The following FYN variants were observed in gnomAD, a reference collection of about 807,000 sequenced individuals.
FYN encodes FYN proto-oncogene, Src family tyrosine kinase.
FYN carries 10 observed loss-of-function variants against 70.2 expected under a neutral mutation model. The observed-to-expected ratio is 0.14, with a 90% CI of 0.09 to 0.24. The LOEUF (loss-of-function observed/expected upper bound fraction) is 0.24, where lower values mean the gene tolerates loss of function less well. Among genes scored for constraint, FYN ranks in the 10% least tolerant of loss-of-function variants. The probability of loss-of-function intolerance (pLI) is 1.00; values close to 1 mark genes in which losing one functional copy is unlikely to be tolerated. For synonymous variants in FYN, 236 were observed against 248.6 expected, an observed-to-expected ratio of 0.95 and a Z score of 0.48; for missense variants, 319 against 673.1, an observed-to-expected ratio of 0.47 and a Z score of 5.82.
At chr6:111,674,712 A>AGT in intron 12 of FYN, 82 bp from the exon 13 acceptor site, 1 of 1,484,230 alleles carries the variant, frequency 6.7e-7, no homozygotes, top group Non-Finnish European at 9.2e-7. Flanking sequence ...GCACTTGGCA[A>AGT]GCTACTTTCC....
chr6:111,736,259 G>C (rs573423181), intron 3 of FYN, among the ~76,000 whole-genome samples: 13 of 152,322 alleles, frequency 8.5e-5, no homozygotes, highest in African/African-American at 2.9e-4. Flanking sequence ...TCTTTATCAT[G>C]ATGCAGAAGT....
At chr6:111,864,685 A>G (rs1192249847) in intron 1 of FYN, among the ~76,000 whole-genome samples, 4 of 152,180 alleles carry the variant, frequency 2.6e-5, no homozygotes, top group Non-Finnish European at 5.9e-5. Flanking sequence ...CACGGTGGGT[A>G]AAGGTGCCTC....
intron 12 of FYN, among the ~76,000 whole-genome samples, chr6:111,675,814 AAAAT>A (rs571127025): frequency 7.1e-4 from 107 of 151,220 alleles, no homozygotes; most frequent in African/African-American, 2.1e-3. Flanking sequence ...AAATAAAATA[AAAAT>A]AAATAAATAA....
intron 13 of FYN, among the ~76,000 whole-genome samples, chr6:111,671,155 G>A (rs142352122): frequency 9.9e-5 from 15 of 152,236 alleles, no homozygotes; most frequent in African/African-American, 3.6e-4. Flanking sequence ...TACCACCCCC[G>A]TTAATCTCAG....
intron 4 of FYN, 99 bp downstream of exon 4, chr6:111,719,706 C>A: frequency 7.4e-7 from 1 of 1,355,664 alleles, no homozygotes. Flanking sequence ...CATGTGAAAC[C>A]CCTAGTCAAA....
rs190275669 is a variant in FYN, at chr6:111,665,211, G to A, written c.1406-3264C>T. Among the ~76,000 whole-genome samples the A allele has an allele frequency of 4.6e-5, 7 of 152,238 alleles. No individual in the cohort carries two copies. The East Asian group carries it at 7.7e-4, about 17-fold the overall frequency. On this transcript the variant is annotated intron_variant, in intron 13 of 13. Coordinates refer to ENST00000354650, the MANE Select transcript of FYN (RefSeq NM_002037.5). ...CCAGTAAGTTGAGCATTCCCTTTGCGTGTTATGTCAGTGCTCAAGAAGCTC... is the reference window on the plus strand; with the variant it reads ...CCAGTAAGTTGAGCATTCCCTTTGCATGTTATGTCAGTGCTCAAGAAGCTC...
intron 2 of FYN, among the ~76,000 whole-genome samples, chr6:111,823,573 A>C (rs1247668712): frequency 6.6e-6 from 1 of 152,218 alleles, no homozygotes; most frequent in African/African-American, 2.4e-5. Flanking sequence ...CCAAGATCTA[A>C]GGGATAAAAA....
chr6:111,797,371 T>A (rs1328408618), intron 2 of FYN, among the ~76,000 whole-genome samples: 1 of 152,052 alleles, frequency 6.6e-6, no homozygotes, highest in Non-Finnish European at 1.5e-5. Flanking sequence ...TTTTTTTGCT[T>A]TTAATTTAGA....
chr6:111,843,783 AC>A (rs753002613), intron 2 of FYN, among the ~76,000 whole-genome samples: 30 of 152,310 alleles, frequency 2.0e-4, no homozygotes, highest in Non-Finnish European at 3.2e-4. Flanking sequence ...CTGCAGTTCC[AC>A]AGTGAACACT....
chr6:111,855,043 T>C (rs974088609), intron 1 of FYN, among the ~76,000 whole-genome samples: 6 of 152,198 alleles, frequency 3.9e-5, no homozygotes, highest in Admixed American at 6.5e-5. Flanking sequence ...TGAACTCAGG[T>C]TTTTTTGTGC....
chr6:111,663,794 A>G (rs939868853), intron 13 of FYN, among the ~76,000 whole-genome samples: 7 of 151,982 alleles, frequency 4.6e-5, no homozygotes, highest in Non-Finnish European at 8.8e-5. Flanking sequence ...CGCTGTGGCT[A>G]ATTAGCCTAC....
intron 3 of FYN, among the ~76,000 whole-genome samples, chr6:111,727,235 T>C (rs754571668): frequency 1.3e-5 from 2 of 152,182 alleles, no homozygotes; most frequent in African/African-American, 2.4e-5. Flanking sequence ...CGGTTTGGCA[T>C]ATTAATGACT....
At position 111,751,739 on chromosome 6, in the gene FYN, C is replaced by T. The variant is rs576208466; in HGVS notation, c.-12+28827G>A. Among the ~76,000 whole-genome samples, 686 of 152,172 alleles carry T rather than the reference C, an allele frequency of 4.5e-3. 3 individuals carry two copies. The highest frequency in any genetic ancestry group is 0.016 in the African/African-American group (648 of 41,508). On this transcript the variant is annotated intron_variant, in intron 3 of 13. Coordinates refer to ENST00000354650, the MANE Select transcript of FYN (RefSeq NM_002037.5). Reference sequence around the variant, plus strand: ...TGGGCTCAAGCTATCCTTCTACCTACGCCTCCCAGTACCTGGGACTACAGT... The same window carrying T: ...TGGGCTCAAGCTATCCTTCTACCTATGCCTCCCAGTACCTGGGACTACAGT...
At chr6:111,781,420 T>C (rs1413923028) in intron 2 of FYN, among the ~76,000 whole-genome samples, 2 of 152,190 alleles carry the variant, frequency 1.3e-5, no homozygotes, top group Non-Finnish European at 2.9e-5. Context: ...GTTTCTTCCC[T>C]TCCCATCCAA....
chr6:111,729,377 G>A (rs1801341686), intron 3 of FYN, among the ~76,000 whole-genome samples: 1 of 151,862 alleles, frequency 6.6e-6, no homozygotes, highest in South Asian at 2.1e-4. Flanking sequence ...GAGTGGCTGA[G>A]GCATGAGAAT....
intron 6 of FYN, among the ~76,000 whole-genome samples, chr6:111,706,279 T>C (rs1800089262): frequency 6.6e-6 from 1 of 152,238 alleles, no homozygotes; most frequent in Non-Finnish European, 1.5e-5. Context: ...AATTGGAATC[T>C]GTGTGTGGGA....
intron 4 of FYN, among the ~76,000 whole-genome samples, chr6:111,716,783 ATTT>A (rs541355121): frequency 0.024 from 3,442 of 141,152 alleles, 145 homozygotes; most frequent in African/African-American, 0.079. Flanking sequence ...AAGAGAGTTA[ATTT>A]TTTTTTTTTT....
chr6:111,828,632 T>C (rs116395366), intron 2 of FYN, among the ~76,000 whole-genome samples: 2 of 151,424 alleles, frequency 1.3e-5, no homozygotes, highest in Admixed American at 6.6e-5. Flanking sequence ...GAGGACATTA[T>C]GCTAAATGAA....
At chr6:111,696,659 T>C (rs537467330) in intron 9 of FYN, 31 of 469,692 alleles carry the variant, frequency 6.6e-5, no homozygotes, top group Admixed American at 1.6e-4. Context: ...ATGGCTAAGA[T>C]GGCTATATTA....
Sources: gnomAD v4.1 joint callset for allele counts (sites outside exome capture counted in the v4.1 genomes callset) on GRCh38, gnomAD v4.1.1 for gene constraint, MANE v1.5 for transcripts, NCBI Gene and HGNC (gene_info 2026-07-23, HGNC 2026-07-21) for gene names.